FOXP2: variants seen among roughly 807,000 people sequenced by gnomAD.
FOXP2 encodes the protein forkhead box protein P2.
Under a neutral mutation model 115.8 loss-of-function variants are expected in FOXP2, and 12 were observed. The observed-to-expected ratio is 0.10, with a 90% CI of 0.07 to 0.17. The LOEUF is 0.17. FOXP2 is among the 10% of genes least tolerant of loss of function. FOXP2 has a pLI of 1.00. For synonymous variants in FOXP2, 328 were observed against 297.7 expected, an observed-to-expected ratio of 1.10 and a Z score of -1.05; for missense variants, 629 against 843.5, an observed-to-expected ratio of 0.75 and a Z score of 3.15.
chr7:114,367,249 A>G (rs1418595769), intron 2 of FOXP2, among the ~76,000 whole-genome samples: 1 of 152,144 alleles, frequency 6.6e-6, no homozygotes, highest in Non-Finnish European at 1.5e-5. Flanking sequence ...GACTGTGACA[A>G]AACTGGAGAT....
At chr7:114,527,871 A>G (rs1305310587) in intron 2 of FOXP2, among the ~76,000 whole-genome samples, 2 of 152,084 alleles carry the variant, frequency 1.3e-5, no homozygotes. Context: ...GTTTTGAACT[A>G]ACATGATTCA....
At chr7:114,366,750 T>C (rs748842301) in intron 2 of FOXP2, 4 of 152,164 alleles carry the variant, frequency 2.6e-5, no homozygotes, top group Non-Finnish European at 4.4e-5. Context: ...CAACAATTAT[T>C]GCATCATGAA....
At chr7:114,213,951 G>A (rs1794421911) in intron 1 of FOXP2, among the ~76,000 whole-genome samples, 1 of 152,122 alleles carries the variant, frequency 6.6e-6, no homozygotes. Flanking sequence ...GAGAAAATAT[G>A]CTTTTAAATC....
chr7:114,503,967 G>A (rs549095807), intron 2 of FOXP2, among the ~76,000 whole-genome samples: 3 of 151,560 alleles, frequency 2.0e-5, no homozygotes, highest in East Asian at 1.9e-4. Flanking sequence ...TTTCTAACAA[G>A]CATTAAGAAA....
chr7:114,347,912 G>A (rs1244672793), intron 2 of FOXP2, among the ~76,000 whole-genome samples: 1 of 151,926 alleles, frequency 6.6e-6, no homozygotes, highest in African/African-American at 2.4e-5. Flanking sequence ...ATAATTTTGG[G>A]TGAAACATTC....
At chr7:114,384,084 C>A (rs1466545159) in intron 2 of FOXP2, among the ~76,000 whole-genome samples, 1 of 151,924 alleles carries the variant, frequency 6.6e-6, no homozygotes, top group Non-Finnish European at 1.5e-5. Context: ...GGTGTGTCAC[C>A]ACCCATGGAC....
chr7:114,113,682 T>C (rs1791332377), intron 1 of FOXP2, among the ~76,000 whole-genome samples: 1 of 152,146 alleles, frequency 6.6e-6, no homozygotes, highest in African/African-American at 2.4e-5. Context: ...TATTATTATT[T>C]TTTTATAGAT....
At chr7:114,670,551 A>T (rs1807439026) in intron 16 of FOXP2, among the ~76,000 whole-genome samples, 1 of 152,082 alleles carries the variant, frequency 6.6e-6, no homozygotes, top group Non-Finnish European at 1.5e-5. Context: ...TTTGCCCCAT[A>T]GATAGCTAAA....
intron 2 of FOXP2, among the ~76,000 whole-genome samples, chr7:114,454,569 C>T (rs1336788376): frequency 8.8e-5 from 13 of 147,646 alleles, no homozygotes; most frequent in African/African-American, 1.8e-4. Flanking sequence ...CACATGCACA[C>T]GTATGTTTAT....
At chr7:114,553,266 T>C (rs1049575529) in intron 3 of FOXP2, among the ~76,000 whole-genome samples, 2 of 152,182 alleles carry the variant, frequency 1.3e-5, no homozygotes, top group Admixed American at 6.5e-5. Flanking sequence ...GCCTCAGTTT[T>C]CTCTTACGTG....
At chr7:114,104,936 T>C (rs1317137864) in intron 1 of FOXP2, among the ~76,000 whole-genome samples, 4 of 152,180 alleles carry the variant, frequency 2.6e-5, no homozygotes, top group African/African-American at 9.6e-5. Context: ...AATTTTGCGA[T>C]TCATAGTAAT....
intron 1 of FOXP2, among the ~76,000 whole-genome samples, chr7:114,193,607 A>C (rs1793822521): frequency 6.6e-6 from 1 of 152,106 alleles, no homozygotes; most frequent in African/African-American, 2.4e-5. Context: ...GGGAAATTTT[A>C]GGACATCTTA....
chr7:114,299,076 A>G (rs947373949), intron 2 of FOXP2, among the ~76,000 whole-genome samples: 2 of 152,144 alleles, frequency 1.3e-5, no homozygotes, highest in Non-Finnish European at 2.9e-5. Context: ...TATTTTCACT[A>G]TAGGTTTAAT....
At chr7:114,517,599 T>G (rs73429325) in intron 2 of FOXP2, among the ~76,000 whole-genome samples, 7,138 of 152,276 alleles carry the variant, frequency 0.047, 349 homozygotes, top group East Asian at 0.15. Context: ...CCCTTTTATG[T>G]GTTCTTAACA....
rs1231014060 is a variant in FOXP2, at chr7:114,627,973, ATGT to A, written c.259-563_259-561del. Reference sequence around the variant, plus strand: ...ATATATCTCCTATATGAATTATCACATGTTGTCATATGCTAAATTTTATTACTA... The same window carrying A: ...ATATATCTCCTATATGAATTATCACATGTCATATGCTAAATTTTATTACTA... On this transcript the variant is annotated intron_variant, in intron 3 of 16. Coordinates refer to ENST00000350908, the MANE Select transcript of FOXP2 (RefSeq NM_014491.4). 2.6e-5 allele frequency among the ~76,000 whole-genome samples: 4 copies of A among 152,062 alleles called. No homozygotes were observed. The East Asian group carries it at 7.7e-4, about 29-fold the overall frequency.
At chr7:114,221,726 A>G (rs1728431) in intron 1 of FOXP2, among the ~76,000 whole-genome samples, 89,446 of 152,002 alleles carry the variant, frequency 0.59, 28,429 homozygotes, top group Admixed American at 0.76. Flanking sequence ...ATCTAATTAA[A>G]GCATAATTTG....
intron 2 of FOXP2, among the ~76,000 whole-genome samples, chr7:114,361,151 A>G (rs1791736371): frequency 6.6e-6 from 1 of 152,152 alleles, no homozygotes; most frequent in African/African-American, 2.4e-5. Context: ...TATTAGGGAA[A>G]TATGAATAAA....
chr7:114,603,360 C>T (rs1273625547), intron 3 of FOXP2, among the ~76,000 whole-genome samples: 1 of 152,138 alleles, frequency 6.6e-6, no homozygotes, highest in Non-Finnish European at 1.5e-5. Flanking sequence ...ATTACTTTCC[C>T]AAACTGGAAT....
intron 2 of FOXP2, among the ~76,000 whole-genome samples, chr7:114,515,629 G>A (rs974493519): frequency 2.6e-5 from 4 of 151,838 alleles, no homozygotes; most frequent in Admixed American, 1.3e-4. Context: ...CCCTTTGTCA[G>A]ATGAGTAGGT....
Sources: gnomAD v4.1 joint callset for allele counts (sites outside exome capture counted in the v4.1 genomes callset) on GRCh38, gnomAD v4.1.1 for gene constraint, MANE v1.5 for transcripts, NCBI Gene and HGNC (gene_info 2026-07-23, HGNC 2026-07-21) for gene names.